SLC22A8: variants seen among roughly 807,000 people sequenced by gnomAD.
SLC22A8 encodes the protein solute carrier family 22 member 8.
A neutral mutation model predicts 48.4 loss-of-function variants in SLC22A8; 40 were observed. The observed-to-expected ratio is 0.83, with a 90% CI of 0.64 to 1.08. The LOEUF is 1.08. Ranked by LOEUF, SLC22A8 falls within the 50% of genes least tolerant of loss-of-function variation. The pLI, the probability that SLC22A8 is intolerant of heterozygous loss-of-function variation, is 0.00. For missense variants in SLC22A8, 606 were observed against 699.0 expected (o/e 0.87, Z 1.50); for synonymous variants, 268 against 286.3 (o/e 0.94, Z 0.65).
At chr11:62,997,924 G>A (rs895244729) in intron 5 of SLC22A8, among the ~76,000 whole-genome samples, 2 of 152,132 alleles carry the variant, frequency 1.3e-5, no homozygotes, top group African/African-American at 2.4e-5. Flanking sequence ...TTTCCTGAGC[G>A]CCTGTGGGAT....
intron 10 of SLC22A8, 41 bp from the exon 11 acceptor site, chr11:62,993,377 T>G: frequency 6.2e-7 from 1 of 1,613,524 alleles, no homozygotes; most frequent in Middle Eastern, 1.6e-4. Flanking sequence ...GGCCCAGACC[T>G]GCTTCCCCAG....
At chr11:63,005,360 T>C (rs1052751084) in intron 2 of SLC22A8, among the ~76,000 whole-genome samples, 1 of 152,246 alleles carries the variant, frequency 6.6e-6, no homozygotes, top group Admixed American at 6.5e-5. Context: ...TTTCTTTTTA[T>C]AGACAAAGAA....
intron 2 of SLC22A8, among the ~76,000 whole-genome samples, chr11:63,014,390 G>A (rs554206181): frequency 5.7e-4 from 86 of 152,186 alleles, no homozygotes; most frequent in Admixed American, 9.2e-4. Context: ...CTCTGTGCCC[G>A]TCACAGAACA....
Position 62,999,821 on chromosome 11 carries a change from C to A in SLC22A8, c.459G>T (p.Leu153=). ...LSDRFGRRPI[L]TCSYLLLAAS... ...CTGCCAGCAGCAGGTAGCTGCAGGT[C>A]AGGATGGGCCTGCGGCCAAACCTGT... The change falls in exon 4 of 11, where the codon CTG becomes CTT. Residue 153 remains leucine, a synonymous_variant. Transcript: ENST00000336232. The A allele has an allele frequency of 6.3e-7, 1 of 1,579,956 alleles. No homozygotes were observed. The highest frequency in any genetic ancestry group is 8.6e-7 in the Non-Finnish European group (1 of 1,162,956).
chr11:62,993,516 C>T lies in SLC22A8; in HGVS notation c.1437G>A (p.Gly479=), dbSNP rs761442704. ...CACTGCCCCCGAGGAGGGCGGTGAT[C>T]CCGTAGATGATATTGGGGATGAAGG... The part of the protein sequence containing the change: ...VQPFIPNIIY[G]ITALLGGSAA... Residue 479 remains glycine (G), a synonymous_variant, in exon 10 of 11, where the codon GGG becomes GGA. Transcript: ENST00000336232. 14 of 1,614,184 alleles carry T rather than the reference C, an allele frequency of 8.7e-6. No individual in the cohort carries two copies. In the South Asian group the frequency reaches 1.5e-4, roughly 18 times the overall value.
chr11:63,003,095 G>A (rs2086517059), intron 2 of SLC22A8, among the ~76,000 whole-genome samples: 1 of 152,166 alleles, frequency 6.6e-6, no homozygotes, highest in Non-Finnish European at 1.5e-5. Flanking sequence ...TAAAGATAAT[G>A]CCCCATTAAC....
At chr11:63,011,564 C>T (rs1464466132) in intron 2 of SLC22A8, among the ~76,000 whole-genome samples, 1 of 152,138 alleles carries the variant, frequency 6.6e-6, no homozygotes, top group South Asian at 2.1e-4. Flanking sequence ...CCCTCCCTGT[C>T]CCTCACTCCC....
At chr11:63,009,841 TA>T (rs960280233) in intron 2 of SLC22A8, among the ~76,000 whole-genome samples, 1 of 152,144 alleles carries the variant, frequency 6.6e-6, no homozygotes, top group African/African-American at 2.4e-5. Context: ...ATCCCCATTC[TA>T]CAGATGAGGG....
intron 3 of SLC22A8, 75 bp downstream of exon 3, chr11:63,000,645 T>C (rs938044179): frequency 9.2e-6 from 10 of 1,091,956 alleles, no homozygotes; most frequent in East Asian, 2.4e-5. Context: ...TCTTTGCGGG[T>C]GCACGGGTGG....
In SLC22A8 at chr11:62,994,277, C is replaced by T; in HGVS notation, c.1216+265G>A. ...AGCTTATCTCTACAGTGATGTCACTCAGGACACTCTCAATACCTCAAAAAT... is the reference window on the plus strand; with the variant it reads ...AGCTTATCTCTACAGTGATGTCACTTAGGACACTCTCAATACCTCAAAAAT... On this transcript the variant is annotated intron_variant, in intron 8 of 10. Transcript: ENST00000336232. The T allele has an allele frequency of 5.4e-6, 3 of 554,930 alleles. No individual in the cohort carries two copies. In the South Asian group the frequency reaches 6.5e-5, roughly 12 times the overall value. The allele number at this position is 554,930 out of a possible 1,614,324, so 34.4% of individuals were successfully genotyped here. A position where few individuals can be genotyped will look rare whatever the true frequency, so the allele number is the denominator to read the frequency against.
chr11:62,997,973 C>T (rs376807915), intron 5 of SLC22A8, among the ~76,000 whole-genome samples: 18 of 151,730 alleles, frequency 1.2e-4, no homozygotes, highest in East Asian at 1.2e-3. Flanking sequence ...TTTTTTGAGA[C>T]GAAGTTTTGC....
At chr11:63,012,404 A>G (rs2086629667) in intron 2 of SLC22A8, among the ~76,000 whole-genome samples, 1 of 151,738 alleles carries the variant, frequency 6.6e-6, no homozygotes, top group South Asian at 2.1e-4. Context: ...GATTACAGGC[A>G]TGAGCTACTG....
At position 63,014,908 on chromosome 11, in the gene SLC22A8, C is replaced by A; in HGVS notation, c.51G>T (p.Gln17His). The A allele has an allele frequency of 1.3e-6, 2 of 1,584,410 alleles. No individual in the cohort carries two copies. Among genetic ancestry groups the A allele is most frequent in the South Asian group, 1.2e-5 (1 of 86,040 alleles). ...GGCCCAGTATGGCTACATGCAGGAA[C>A]TGGAAATGGCCCATGCTTCCCACAC... ...LDRVGSMGHF[Q>H]FLHVAILGLP... is the part of the protein sequence containing the mutation. Residue 17 changes from glutamine to histidine, a missense_variant, in exon 2 of 11, where the codon CAG (glutamine) becomes CAT (histidine). Coordinates refer to ENST00000336232, the MANE Select transcript of SLC22A8 (RefSeq NM_004254.4).
chr11:62,995,572 G>A (rs1197137761), intron 7 of SLC22A8, 132 bp downstream of exon 7: 5 of 674,878 alleles, frequency 7.4e-6, no homozygotes, highest in East Asian at 2.6e-5. Context: ...GGGCTGGGCT[G>A]TGGTGGCCCA....
Position 62,998,920 on chromosome 11 carries a change from C to A in SLC22A8, c.761+1G>T. On this transcript the variant is annotated splice_donor_variant, in intron 5 of 10. Coordinates refer to ENST00000336232, the MANE Select transcript of SLC22A8 (RefSeq NM_004254.4). LOFTEE classifies it high-confidence loss of function. ...CAGATGAAGAGGAGAGGGCCACATA[C>A]CAGGATGATAGGAAGAAGACGAAGA... 6.2e-7 allele frequency: 1 copy of A among 1,603,440 alleles called. No homozygotes were observed.
intron 2 of SLC22A8, among the ~76,000 whole-genome samples, chr11:63,014,123 C>T (rs981787881): frequency 6.6e-6 from 1 of 152,202 alleles, no homozygotes; most frequent in Non-Finnish European, 1.5e-5. Flanking sequence ...CCTCCTTTCC[C>T]TCACTGCCTG....
chr11:63,012,174 G>C (rs925718869), intron 2 of SLC22A8, among the ~76,000 whole-genome samples: 2 of 151,964 alleles, frequency 1.3e-5, no homozygotes, highest in Non-Finnish European at 2.9e-5. Context: ...GTTTTTAGTA[G>C]AGACAGGGTT....
chr11:62,995,041 G>A (rs976851439), intron 7 of SLC22A8: 28 of 476,908 alleles, frequency 5.9e-5, no homozygotes, highest in East Asian at 2.0e-4. Flanking sequence ...AGGGAATCTC[G>A]GAGACCAAAG....
chr11:62,996,512 C>G (rs1301233501), intron 5 of SLC22A8, among the ~76,000 whole-genome samples: 1 of 152,192 alleles, frequency 6.6e-6, no homozygotes, highest in Non-Finnish European at 1.5e-5. Flanking sequence ...GAGGGTCCTG[C>G]ACATCCACCT....
Sources: gnomAD v4.1 joint callset for allele counts (sites outside exome capture counted in the v4.1 genomes callset) on GRCh38, gnomAD v4.1.1 for gene constraint, MANE v1.5 for transcripts, NCBI Gene and HGNC (gene_info 2026-07-23, HGNC 2026-07-21) for gene names.